The following PLAC8 variants were observed in gnomAD, a reference collection of about 807,000 sequenced individuals.
The protein encoded by PLAC8 is placenta-specific gene 8 protein.
Under a neutral mutation model 12.6 loss-of-function variants are expected in PLAC8, and 6 were observed. The observed-to-expected ratio is 0.48, with a 90% CI of 0.26 to 0.94. The LOEUF is 0.94. PLAC8 is among the 40% of genes least tolerant of loss of function. The pLI, the probability that PLAC8 is intolerant of heterozygous loss-of-function variation, is 0.14. For missense variants in PLAC8, 122 were observed against 152.7 expected (o/e 0.80, Z 1.06); for synonymous variants, 54 against 52.6 (o/e 1.03, Z -0.11).
chr4:83,094,907 G>A (rs1445146218), intron 3 of PLAC8, 116 bp from the exon 4 acceptor site: 2 of 523,212 alleles, frequency 3.8e-6, no homozygotes, highest in Non-Finnish European at 3.4e-6. Context: ...AGTTTGGATG[G>A]ATACATTTAG....
At chr4:83,104,759 G>A in intron 3 of PLAC8, 137 bp downstream of exon 3, 1 of 925,400 alleles carries the variant, frequency 1.1e-6, no homozygotes, top group Non-Finnish European at 1.7e-6. Flanking sequence ...TGCTACAACT[G>A]AATGCAAGAT....
chr4:83,113,522 C>T (rs2868763), intron 1 of PLAC8, among the ~76,000 whole-genome samples: 61,033 of 152,018 alleles, frequency 0.4, 13,270 homozygotes, highest in East Asian at 0.63. Context: ...GGTGTGTAAA[C>T]GTGTTGGGCT....
chr4:83,097,555 A>G (rs1330845345), intron 3 of PLAC8, among the ~76,000 whole-genome samples: 1 of 152,184 alleles, frequency 6.6e-6, no homozygotes, highest in African/African-American at 2.4e-5. Flanking sequence ...TAGATAATAT[A>G]TAAGGCCTGG....
rs1004621788 is a variant in PLAC8 at position 83,105,166 on chromosome 4, C to T, written c.119-146G>A. ...TAAGTCCATCTTCAATGTTTCTATT[C>T]AGCTTTGCATCAATTTCTCGCTCCA... is the stretch of plus-strand genomic sequence containing the variant. On this transcript the variant is annotated intron_variant, in intron 2 of 4. Transcript: ENST00000311507. The T allele has an allele frequency of 3.4e-6, 3 of 872,194 alleles. No homozygotes were observed. The South Asian group carries it at 4.8e-5, about 14-fold the overall frequency. 54.0% of individuals were successfully genotyped at this position (872,194 alleles called of 1,614,324 possible). A position where few individuals can be genotyped will look rare whatever the true frequency, so the allele number is the denominator to read the frequency against.
At chr4:83,107,743 A>ATTGAG (rs1553900416) in intron 2 of PLAC8, 61 bp downstream of exon 2, 1 of 848,822 alleles carries the variant, frequency 1.2e-6, no homozygotes, top group Non-Finnish European at 1.8e-6. Context: ...TGGGGGAAGG[A>ATTGAG]TTGAGTCATT....
intron 3 of PLAC8, among the ~76,000 whole-genome samples, chr4:83,101,105 C>T (rs1378462224): frequency 2.0e-5 from 3 of 152,102 alleles, no homozygotes; most frequent in African/African-American, 4.8e-5. Context: ...AGAAGCTGGG[C>T]GTGGTGGCTC....
chr4:83,092,536 C>T (rs1185197249), intron 4 of PLAC8, among the ~76,000 whole-genome samples: 8 of 151,184 alleles, frequency 5.3e-5, no homozygotes, highest in Non-Finnish European at 7.4e-5. Flanking sequence ...CCACCATGCC[C>T]AGCCTTAGAT....
At chr4:83,114,024 C>T (rs1400951993) in intron 1 of PLAC8, among the ~76,000 whole-genome samples, 1 of 150,616 alleles carries the variant, frequency 6.6e-6, no homozygotes, top group East Asian at 1.9e-4. Context: ...AGATACTAGA[C>T]ATATTATTGA....
chr4:83,094,014 T>A (rs1337789019), intron 4 of PLAC8: 1 of 152,236 alleles, frequency 6.6e-6, no homozygotes, highest in Non-Finnish European at 1.5e-5. Context: ...AAAATTGTGT[T>A]CTTCCCATAC....
At chr4:83,103,378 A>G (rs1681117448) in intron 3 of PLAC8, among the ~76,000 whole-genome samples, 1 of 152,176 alleles carries the variant, frequency 6.6e-6, no homozygotes, top group Non-Finnish European at 1.5e-5. Flanking sequence ...CTGGCAACAG[A>G]GTGAGACTCC....
At chr4:83,096,638 T>A (rs1203062929) in intron 3 of PLAC8, among the ~76,000 whole-genome samples, 1 of 152,228 alleles carries the variant, frequency 6.6e-6, no homozygotes, top group Non-Finnish European at 1.5e-5. Context: ...ATGACTCATA[T>A]AAATATAGAT....
At chr4:83,096,897 C>G (rs375467092) in intron 3 of PLAC8, among the ~76,000 whole-genome samples, 2 of 152,188 alleles carry the variant, frequency 1.3e-5, no homozygotes, top group Non-Finnish European at 2.9e-5. Flanking sequence ...AGATGAGACT[C>G]TCATGAAGAT....
At chr4:83,112,537 A>G (rs1183875514) in intron 1 of PLAC8, among the ~76,000 whole-genome samples, 5 of 152,082 alleles carry the variant, frequency 3.3e-5, no homozygotes. Context: ...GGAGAAGTCT[A>G]CTCGGCTTAT....
chr4:83,092,113 C>T (rs1731819953), intron 4 of PLAC8, among the ~76,000 whole-genome samples: 1 of 152,074 alleles, frequency 6.6e-6, no homozygotes, highest in Admixed American at 6.6e-5. Context: ...ATGTAGGGTC[C>T]AAGTTGATGA....
chr4:83,106,247 C>G (rs2126142981), intron 2 of PLAC8, among the ~76,000 whole-genome samples: 1 of 152,046 alleles, frequency 6.6e-6, no homozygotes, highest in South Asian at 2.1e-4. Flanking sequence ...GATCTGCCCG[C>G]CTTGGCCTCC....
At chr4:83,100,148 G>A (rs1732057004) in intron 3 of PLAC8, among the ~76,000 whole-genome samples, 1 of 151,880 alleles carries the variant, frequency 6.6e-6, no homozygotes, top group African/African-American at 2.4e-5. Flanking sequence ...AGGCGTGGTG[G>A]CGGGCTCCTG....
intron 3 of PLAC8, among the ~76,000 whole-genome samples, chr4:83,097,038 G>A (rs1731952820): frequency 6.6e-6 from 1 of 152,134 alleles, no homozygotes; most frequent in Non-Finnish European, 1.5e-5. Context: ...AGTATAAAAC[G>A]GTACCTTTAA....
At chr4:83,110,589 A>G (rs369104619) in intron 1 of PLAC8, among the ~76,000 whole-genome samples, 2 of 152,282 alleles carry the variant, frequency 1.3e-5, no homozygotes, top group African/African-American at 4.8e-5. Context: ...CCCCGCCACC[A>G]CGCTCTCCGC....
At chr4:83,102,835 C>T (rs1732136452) in intron 3 of PLAC8, among the ~76,000 whole-genome samples, 1 of 152,060 alleles carries the variant, frequency 6.6e-6, no homozygotes. Flanking sequence ...GCCTGTAATC[C>T]CAACACCTTG....
Sources: allele counts gnomAD v4.1 joint callset (sites outside exome capture counted in the v4.1 genomes callset), GRCh38; gene constraint gnomAD v4.1.1; transcripts MANE v1.5; gene names NCBI Gene and HGNC (gene_info 2026-07-23, HGNC 2026-07-21).